The following ODAD4 variants were observed in gnomAD, a reference collection of about 807,000 sequenced individuals.
ODAD4 encodes outer dynein arm docking complex subunit 4.
ODAD4 carries 49 observed loss-of-function variants against 51.8 expected under a neutral mutation model. The ratio of observed to expected loss-of-function variants is 0.95; its 90% CI spans 0.75 to 1.20. The LOEUF (loss-of-function observed/expected upper bound fraction) is 1.20. Ranked by LOEUF, ODAD4 falls within the 50% of genes most tolerant of loss-of-function variation. The pLI, the probability that ODAD4 is intolerant of heterozygous loss-of-function variation, is 0.00. For synonymous variants in ODAD4, 235 were observed against 221.3 expected (o/e 1.06, Z -0.55); for missense variants, 590 against 586.5 (o/e 1.01, Z -0.06).
chr17:41,945,440 A>T (rs2050572797), intron 8 of ODAD4, among the ~76,000 whole-genome samples: 1 of 151,444 alleles, frequency 6.6e-6, no homozygotes, highest in African/African-American at 2.4e-5. Context: ...TGAGCCTGGG[A>T]GGTTGAGGCT....
intron 9 of ODAD4, among the ~76,000 whole-genome samples, chr17:41,949,716 A>G (rs1418097012): frequency 6.6e-6 from 1 of 152,132 alleles, no homozygotes; most frequent in Non-Finnish European, 1.5e-5. Context: ...TTTGTTGCCC[A>G]GGCTGGAGTG....
chr17:41,961,352 CAG>C (rs1284427878), intron 10 of ODAD4, 28 bp from the exon 11 acceptor site: 3 of 727,234 alleles, frequency 4.1e-6, no homozygotes, highest in Admixed American at 2.0e-5. Flanking sequence ...GTGCCAAACA[CAG>C]GGGCTAAGCT....
rs1555642414 is a variant in ODAD4, at chr17:41,965,207, T to G, written c.1743T>G (p.Val581=). The part of the protein sequence containing the change: ...AGKARSDLGA[V]AKGLSGELGT... ...AAGCCAGAAGCGATTTGGGAGCAGT[T>G]GCCAAGGGCCTGTCAGGAGAATTAG... is the stretch of plus-strand genomic sequence containing the variant. The change falls in exon 12 of 12, where the codon GTT becomes GTG. Residue 581 remains valine (V), a synonymous_variant. Coordinates refer to ENST00000377540, the MANE Select transcript of ODAD4 (RefSeq NM_031421.5). The G allele has an allele frequency of 1.3e-6, 1 of 774,490 alleles. No individual in the cohort carries two copies. The highest frequency in any genetic ancestry group is 2.4e-5 in the East Asian group (1 of 41,102). The allele number at this position is 774,490 out of a possible 1,614,324, so 48.0% of individuals were successfully genotyped here.
chr17:41,935,456 A>AT lies in ODAD4; in HGVS notation c.246+112dup. ...GCCAGACTGCCTAGTGTTTGATGCC[A>AT]TTTTCTCTTCCTAGGTCATTGCCTA... On this transcript the variant is annotated intron_variant, in intron 2 of 11. Coordinates refer to ENST00000377540, the MANE Select transcript of ODAD4 (RefSeq NM_031421.5). 3 of 1,519,396 alleles carry AT rather than the reference A, an allele frequency of 2.0e-6. No individual in the cohort carries two copies. The South Asian group carries it at 3.9e-5, about 20-fold the overall frequency. The allele number at this position is 1,519,396 out of a possible 1,614,324, so 94.1% of individuals were successfully genotyped here.
chr17:41,961,059 T>C (rs922124726), intron 10 of ODAD4, among the ~76,000 whole-genome samples: 3 of 152,194 alleles, frequency 2.0e-5, no homozygotes, highest in South Asian at 2.1e-4. Flanking sequence ...TCTTTTTGCA[T>C]TGACTGAAGC....
intron 7 of ODAD4, among the ~76,000 whole-genome samples, chr17:41,944,444 A>ACACACACCCCC (rs1191101800): frequency 4.1e-4 from 8 of 19,542 alleles, no homozygotes; most frequent in Non-Finnish European, 6.1e-4. Context: ...ACACACACAC[A>ACACACACCCCC]CCCCCCCGCA....
rs1555641732 is a variant in ODAD4 at position 41,961,522 on chromosome 17, TCC to T, written c.1528+57_1528+58del. On this transcript the variant is annotated intron_variant, in intron 11 of 11. Transcript: ENST00000377540. ...TCAGCATTCTCCCTCTGCTTTCTTT[TCC>T]TCTAGTCCGAGACACATGCGACAGC... 64 of 715,462 alleles carry T rather than the reference TCC, an allele frequency of 8.9e-5. No homozygotes were observed. In the African/African-American group the frequency reaches 1.1e-3, roughly 12 times the overall value. 44.3% of individuals were successfully genotyped at this position (715,462 alleles called of 1,614,324 possible). A position where few individuals can be genotyped will look rare whatever the true frequency, so the allele number is the denominator to read the frequency against.
At chr17:41,953,711 A>T (rs1555640603) in intron 9 of ODAD4, among the ~76,000 whole-genome samples, 1 of 152,004 alleles carries the variant, frequency 6.6e-6, no homozygotes, top group African/African-American at 2.4e-5. Flanking sequence ...TCTGTCACCC[A>T]GGCTGGAGTG....
chr17:41,938,683 AC>A lies in ODAD4; in HGVS notation c.754del (p.Arg252GlyfsTer3), dbSNP rs1555638224. ...QQKPIYARER[D>X]RKLMQEKWLR... The stretch of plus-strand genomic sequence containing the variant: ...AAGCCGATCTACGCCAGGGAGCGGG[AC>A]CGGAAGCTGATGCAAGAGAAATGGC... On this transcript the variant is annotated frameshift_variant, in exon 6 of 12. Coordinates refer to ENST00000377540, the MANE Select transcript of ODAD4 (RefSeq NM_031421.5). LOFTEE classifies it high-confidence loss of function. The A allele has an allele frequency of 1.9e-6, 3 of 1,613,922 alleles. No individual in the cohort carries two copies. Among genetic ancestry groups the A allele is most frequent in the Non-Finnish European group, 2.5e-6 (3 of 1,179,874 alleles).
chr17:41,944,788 C>CA (rs369168930), intron 7 of ODAD4, among the ~76,000 whole-genome samples: 1,837 of 141,708 alleles, frequency 0.013, 25 homozygotes, highest in Non-Finnish European at 0.016. Context: ...GACTCTGTCT[C>CA]AAAAAAAAAA....
At chr17:41,948,717 T>C (rs2050618219) in intron 8 of ODAD4, among the ~76,000 whole-genome samples, 1 of 152,048 alleles carries the variant, frequency 6.6e-6, no homozygotes, top group Admixed American at 6.6e-5. Flanking sequence ...CTTGGCTCAC[T>C]GCAACCTCCA....
rs879985039 is a variant in ODAD4 at position 41,944,445 on chromosome 17, C to CACACACA, written c.1059-691_1059-690insACACACA. ...ACACACACACACACACACACACACA[C>CACACACA]CCCCCCGCATACACAGAAATTGCCT... On this transcript the variant is annotated intron_variant, in intron 7 of 11. Coordinates refer to ENST00000377540, the MANE Select transcript of ODAD4 (RefSeq NM_031421.5). Among the ~76,000 whole-genome samples the CACACACA allele has an allele frequency of 4.0e-3, 14 of 3,520 alleles. 1 individual carries two copies. Among genetic ancestry groups the CACACACA allele is most frequent in the African/African-American group, 6.2e-3 (9 of 1,444 alleles). The allele number at this position is 3,520 out of a possible 152,430, so 2.3% of individuals were successfully genotyped here. A position where few individuals can be genotyped will look rare whatever the true frequency, so the allele number is the denominator to read the frequency against.
chr17:41,945,273 A>G lies in ODAD4; in HGVS notation c.1145+51A>G, dbSNP rs372229888. 32 of 1,407,560 alleles carry G rather than the reference A, an allele frequency of 2.3e-5. No individual in the cohort carries two copies. The African/African-American group carries it at 4.6e-4, about 20-fold the overall frequency. The allele number at this position is 1,407,560 out of a possible 1,614,324, so 87.2% of individuals were successfully genotyped here. ...CCCACCTCCATGGTTAGAACTTCTC[A>G]CCATAACATGAAAATTTGTTTCCGG... On this transcript the variant is annotated intron_variant, in intron 8 of 11. Coordinates refer to ENST00000377540, the MANE Select transcript of ODAD4 (RefSeq NM_031421.5).
chr17:41,941,746 G>A (rs1460042427), intron 7 of ODAD4, among the ~76,000 whole-genome samples: 2 of 141,986 alleles, frequency 1.4e-5, no homozygotes, highest in African/African-American at 5.4e-5. Flanking sequence ...GTGACTGGGC[G>A]ACAGAGCGAG....
chr17:41,956,141 G>A (rs2050729280), intron 10 of ODAD4, among the ~76,000 whole-genome samples: 1 of 147,282 alleles, frequency 6.8e-6, no homozygotes, highest in African/African-American at 2.5e-5. Context: ...TCCGCCTCCC[G>A]GGTTCAAACG....
At chr17:41,943,670 T>C (rs1555639002) in intron 7 of ODAD4, among the ~76,000 whole-genome samples, 1 of 152,206 alleles carries the variant, frequency 6.6e-6, no homozygotes, top group African/African-American at 2.4e-5. Context: ...CATCTGGTTG[T>C]ATACGTGCAG....
chr17:41,934,023 CTTT>C (rs2050388425), intron 1 of ODAD4, among the ~76,000 whole-genome samples: 1 of 100,042 alleles, frequency 1.0e-5, no homozygotes, highest in Non-Finnish European at 2.1e-5. Flanking sequence ...CCCTTTCTTT[CTTT>C]TTTCTTTCTT....
chr17:41,951,121 G>A (rs2050645499), intron 9 of ODAD4, among the ~76,000 whole-genome samples: 1 of 148,080 alleles, frequency 6.8e-6, no homozygotes, highest in South Asian at 2.1e-4. Flanking sequence ...GTCTTGCTCT[G>A]TCACCTAGAC....
rs782465249 is a variant in ODAD4 at position 41,935,398 on chromosome 17, T to C, written c.246+50T>C. On this transcript the variant is annotated intron_variant, in intron 2 of 11. Coordinates refer to ENST00000377540, the MANE Select transcript of ODAD4 (RefSeq NM_031421.5). Reference sequence around the variant, plus strand: ...GATCCTGCCATTGCCTGTAGCAACTTCTGGTTACAAGTAGTTGTTACAAGT... The same window carrying C: ...GATCCTGCCATTGCCTGTAGCAACTCCTGGTTACAAGTAGTTGTTACAAGT... 5 of 1,599,770 alleles carry C rather than the reference T, an allele frequency of 3.1e-6. No individual in the cohort carries two copies. In the African/African-American group the frequency reaches 5.4e-5, roughly 17 times the overall value.
Sources: gnomAD v4.1 joint callset for allele counts (sites outside exome capture counted in the v4.1 genomes callset) on GRCh38, gnomAD v4.1.1 for gene constraint, MANE v1.5 for transcripts, NCBI Gene and HGNC (gene_info 2026-07-23, HGNC 2026-07-21) for gene names.